Variants in PIGN observed in about 807,000 individuals in gnomAD.
PIGN encodes the protein GPI ethanolamine phosphate transferase 1.
A neutral mutation model predicts 125.4 loss-of-function variants in PIGN; 117 were observed. The observed-to-expected ratio is 0.93, with a 90% CI of 0.80 to 1.09. PIGN has a LOEUF of 1.09. PIGN is among the 50% of genes least tolerant of loss of function. The probability of loss-of-function intolerance (pLI) is 0.00; values close to 1 mark genes in which losing one functional copy is unlikely to be tolerated. For missense variants in PIGN, 1,075 were observed against 1,094.9 expected (o/e 0.98, Z 0.26); for synonymous variants, 392 against 377.8 (o/e 1.04, Z -0.44).
intron 1 of PIGN, among the ~76,000 whole-genome samples, chr18:62,170,196 G>C (rs1368007203): frequency 6.6e-6 from 1 of 152,130 alleles, no homozygotes. Flanking sequence ...ATTAGATTGT[G>C]TTCTTGTCAC....
chr18:62,148,299 A>G lies in PIGN; in HGVS notation c.589T>C (p.Ser197Pro). Reference protein sequence around the residue: ...HHARNNQSLFSKINEEKIVFF... With the variant: ...HHARNNQSLFPKINEEKIVFF... ...ACTATTTTCTCTTCATTTATTTTAG[A>G]AAACAAAGACTGGTTGTTTCTGGCA... is the stretch of plus-strand genomic sequence containing the variant. Residue 197 changes from serine to proline, a missense_variant, in exon 8 of 31, where the codon TCT becomes CCT. Around this residue, in one of 3 missense-constraint regions of PIGN, gnomAD observed 915 missense variants for 908.7 expected, o/e 1.01. Transcript: ENST00000640252. The G allele has an allele frequency of 4.6e-6, 7 of 1,532,496 alleles. No homozygotes were observed. Among genetic ancestry groups the G allele is most frequent in the South Asian group, 2.5e-5 (2 of 80,110 alleles). The allele number at this position is 1,532,496 out of a possible 1,614,324, so 94.9% of individuals were successfully genotyped here.
chr18:62,173,938 G>A (rs571005107), intron 1 of PIGN, among the ~76,000 whole-genome samples: 61 of 152,164 alleles, frequency 4.0e-4, no homozygotes, highest in African/African-American at 1.4e-3. Context: ...TTTCTCGGCC[G>A]GGTGCGGTGG....
At chr18:62,110,014 T>G (rs373768710) in intron 16 of PIGN, 41 bp from the exon 17 acceptor site, 9 of 1,596,468 alleles carry the variant, frequency 5.6e-6, no homozygotes, top group Non-Finnish European at 6.9e-6. Context: ...TCCAAACCAA[T>G]GGTAATTGAT....
intron 7 of PIGN, 124 bp downstream of exon 7, chr18:62,154,421 C>T (rs2036646179): frequency 1.7e-6 from 1 of 595,180 alleles, no homozygotes; most frequent in African/African-American, 2.0e-5. Flanking sequence ...TCTTAGAATT[C>T]AGAACAGTGT....
At chr18:62,157,630 G>A in intron 5 of PIGN, 57 bp downstream of exon 5, 1 of 1,474,574 alleles carries the variant, frequency 6.8e-7, no homozygotes. Flanking sequence ...AGTGGTAAAG[G>A]ACTAATATTT....
At chr18:62,139,836 G>C (rs1361819646) in intron 12 of PIGN, among the ~76,000 whole-genome samples, 2 of 152,082 alleles carry the variant, frequency 1.3e-5, no homozygotes, top group Non-Finnish European at 2.9e-5. Context: ...CTCTGCCATG[G>C]GATCATGGCT....
intron 14 of PIGN, among the ~76,000 whole-genome samples, chr18:62,127,356 C>T (rs78805914): frequency 0.048 from 7,255 of 152,180 alleles, 224 homozygotes; most frequent in Non-Finnish European, 0.073. Flanking sequence ...TAACACAAAG[C>T]TTGTTTTATA....
At chr18:62,037,437 G>A (rs989282717), downstream of PIGN, among the ~76,000 whole-genome samples, 5 of 152,256 alleles carry the variant, frequency 3.3e-5, no homozygotes, top group Non-Finnish European at 7.3e-5. Context: ...CAGTGGGCAT[G>A]GGTGGAACAG....
At chr18:62,062,820 T>C (rs1215408761) in intron 30 of PIGN, among the ~76,000 whole-genome samples, 1 of 151,410 alleles carries the variant, frequency 6.6e-6, no homozygotes, top group African/African-American at 2.4e-5. Context: ...AGTGCTGATA[T>C]GTCATTCTGT....
rs771152485 is a variant in PIGN, at chr18:62,161,392, G to A, written c.-32-7C>T. The A allele has an allele frequency of 2.2e-6, 3 of 1,390,768 alleles. No homozygotes were observed. Among genetic ancestry groups the A allele is most frequent in the Non-Finnish European group, 3.0e-6 (3 of 992,740 alleles). 86.2% of individuals were successfully genotyped at this position (1,390,768 alleles called of 1,614,324 possible). ...AATTAGTCTTCAAGAACAGCTGAAA[G>A]AGAGAACAAAATTAAATTGGGGTAA... On this transcript the variant is annotated splice_polypyrimidine_tract_variant and splice_region_variant and intron_variant, in intron 3 of 30. Coordinates refer to ENST00000640252, the MANE Select transcript of PIGN (RefSeq NM_176787.5).
At chr18:62,023,646 C>G (rs574939357) in intron 23 of PIGN, among the ~76,000 whole-genome samples, 1 of 152,222 alleles carries the variant, frequency 6.6e-6, no homozygotes, top group Admixed American at 6.5e-5. Context: ...TACAGCATCA[C>G]CACTTTTGGG....
At chr18:62,121,930 T>C (rs535805360) in intron 14 of PIGN, among the ~76,000 whole-genome samples, 1 of 152,228 alleles carries the variant, frequency 6.6e-6, no homozygotes, top group East Asian at 1.9e-4. Flanking sequence ...CTATATTTAG[T>C]TTTTTGAGGA....
At chr18:62,073,226 T>C (rs72933868) in intron 29 of PIGN, among the ~76,000 whole-genome samples, 16,106 of 150,608 alleles carry the variant, frequency 0.11, 1,088 homozygotes, top group Non-Finnish European at 0.15. Flanking sequence ...GGAGGGAGTG[T>C]TATCATTGGA....
intron 16 of PIGN, among the ~76,000 whole-genome samples, chr18:62,110,615 C>T (rs1387530365): frequency 6.6e-6 from 1 of 151,974 alleles, no homozygotes; most frequent in African/African-American, 2.4e-5. Flanking sequence ...CCTTTAAGAG[C>T]AAAACTAAGG....
intron 30 of PIGN, among the ~76,000 whole-genome samples, chr18:62,047,932 A>G (rs2030871783): frequency 6.6e-6 from 1 of 152,220 alleles, no homozygotes; most frequent in Admixed American, 6.5e-5. Flanking sequence ...ATGAGCAATT[A>G]TGTACATACT....
rs535978075 is a variant in PIGN at position 62,022,679 on chromosome 18, A to G, written c.2143-4938T>C. On this transcript the variant is annotated intron_variant, in intron 23 of 24. Coordinates refer to the PIGN transcript ENST00000639600. ...CTGTTGGTTTTAAGTGTATAGGAAA[A>G]TGAAAAAATAATGAAACTAGTATTT... is the stretch of plus-strand genomic sequence containing the variant. 3.0e-4 allele frequency among the ~76,000 whole-genome samples: 46 copies of G among 152,336 alleles called. 1 individual carries two copies. In the South Asian group the frequency reaches 7.9e-3, roughly 26 times the overall value.
At chr18:62,184,078 A>G (rs1442056109) in intron 1 of PIGN, among the ~76,000 whole-genome samples, 1 of 152,226 alleles carries the variant, frequency 6.6e-6, no homozygotes, top group African/African-American at 2.4e-5. Context: ...AAAAAGATAT[A>G]TGCATGTACC....
At chr18:62,140,326 C>A (rs1270634185) in intron 12 of PIGN, 94 bp downstream of exon 12, 2 of 572,848 alleles carry the variant, frequency 3.5e-6, no homozygotes, top group Non-Finnish European at 6.0e-6. Flanking sequence ...AAAAAAAAAC[C>A]CAGATTATTC....
intron 28 of PIGN, among the ~76,000 whole-genome samples, chr18:62,078,223 G>A (rs2033271396): frequency 6.6e-6 from 1 of 152,142 alleles, no homozygotes; most frequent in Non-Finnish European, 1.5e-5. Flanking sequence ...GAAATTTGAG[G>A]GTGGAAGGAT....
Sources: gnomAD v4.1 joint callset for allele counts (sites outside exome capture counted in the v4.1 genomes callset) on GRCh38, gnomAD v4.1.1 for gene constraint, gnomAD v4.1.1 regional missense constraint, MANE v1.5 for transcripts, NCBI Gene and HGNC (gene_info 2026-07-23, HGNC 2026-07-21) for gene names.